Variants in WDR88 observed in about 807,000 individuals in gnomAD.
WDR88 encodes WD repeat-containing protein 88.
A neutral mutation model predicts 46.8 loss-of-function variants in WDR88; 40 were observed. The observed-to-expected ratio is 0.86, with a 90% CI of 0.66 to 1.11. The LOEUF is 1.11. WDR88 is among the 50% of genes most tolerant of loss of function. The pLI is 0.00. For missense variants in WDR88, 562 were observed against 602.4 expected (o/e 0.93, Z 0.70); for synonymous variants, 235 against 240.7 (o/e 0.98, Z 0.22).
intron 8 of WDR88, among the ~76,000 whole-genome samples, chr19:33,162,525 C>G (rs995751282): frequency 2.0e-5 from 3 of 151,932 alleles, no homozygotes; most frequent in Admixed American, 6.6e-5. Context: ...CTCTGAGCTC[C>G]TATGTACCCA....
chr19:33,153,876 A>G (rs1041089319), intron 6 of WDR88, among the ~76,000 whole-genome samples: 1 of 152,032 alleles, frequency 6.6e-6, no homozygotes, highest in African/African-American at 2.4e-5. Flanking sequence ...TGCTCTGAAG[A>G]TATTTTTGTT....
At chr19:33,172,749 T>C (rs967409591) in intron 10 of WDR88, among the ~76,000 whole-genome samples, 5 of 152,054 alleles carry the variant, frequency 3.3e-5, no homozygotes, top group Admixed American at 2.0e-4. Flanking sequence ...CTGACAGCTG[T>C]GTCGACTTGA....
intron 2 of WDR88, among the ~76,000 whole-genome samples, chr19:33,140,599 G>A (rs1279733486): frequency 6.6e-6 from 1 of 152,188 alleles, no homozygotes; most frequent in Non-Finnish European, 1.5e-5. Context: ...AGACCAGCCT[G>A]ACCAATGTGG....
chr19:33,145,288 G>C (rs1223138367), intron 3 of WDR88, among the ~76,000 whole-genome samples: 2 of 151,850 alleles, frequency 1.3e-5, no homozygotes, highest in Non-Finnish European at 2.9e-5. Flanking sequence ...TGAGTAGCTG[G>C]GATTACAAGT....
chr19:33,143,644 CAAAA>C (rs11330443), intron 2 of WDR88, among the ~76,000 whole-genome samples: 5 of 117,134 alleles, frequency 4.3e-5, no homozygotes, highest in Non-Finnish European at 7.6e-5. Flanking sequence ...GACCCTCTCT[CAAAA>C]AAAAAAAAAA....
intron 9 of WDR88, among the ~76,000 whole-genome samples, chr19:33,167,881 G>C (rs1973979794): frequency 6.6e-6 from 1 of 151,756 alleles, no homozygotes; most frequent in South Asian, 2.1e-4. Flanking sequence ...CATCTCCTGG[G>C]TTCAAGCAAT....
chr19:33,175,713 T>C lies in WDR88; in HGVS notation c.*141T>C. ...GGCAGGACCCAAGCCCTGGCTGGAC[T>C]CAGCACAGTGCCACCTCCTCAGCTC... On this transcript the variant is annotated 3_prime_UTR_variant, in exon 11 of 11. Coordinates refer to ENST00000355868, the MANE Select transcript of WDR88 (RefSeq NM_173479.4). 1.1e-6 allele frequency: 1 copy of C among 927,112 alleles called. No homozygotes were observed. The highest frequency in any genetic ancestry group is 1.6e-6 in the Non-Finnish European group (1 of 615,584). The allele number at this position is 927,112 out of a possible 1,614,324, so 57.4% of individuals were successfully genotyped here.
At chr19:33,154,593 T>A (rs541088603) in intron 6 of WDR88, among the ~76,000 whole-genome samples, 2 of 152,334 alleles carry the variant, frequency 1.3e-5, no homozygotes, top group East Asian at 3.9e-4. Flanking sequence ...ATTTTCTTTA[T>A]CCGGTCTATC....
intron 1 of WDR88, 98 bp from the exon 2 acceptor site, chr19:33,137,579 G>T: frequency 2.7e-6 from 3 of 1,094,744 alleles, no homozygotes; most frequent in East Asian, 2.5e-5. Context: ...TTTTTTTCCG[G>T]GTGGTTTATT....
In WDR88 at chr19:33,141,227, G is replaced by GTTTT. The variant is rs745987290; in HGVS notation, c.387+3450_387+3453dup. ...GCTGGGATTACAGGTGTGGGAGCAT[G>GTTTT]TTTTTTTTTTTTTCTTTTTTGACAC... On this transcript the variant is annotated intron_variant, in intron 2 of 10. Transcript: ENST00000355868. Among the ~76,000 whole-genome samples, 48 of 113,380 alleles carry GTTTT rather than the reference G, an allele frequency of 4.2e-4. 1 individual carries two copies. The highest frequency in any genetic ancestry group is 1.3e-3 in the East Asian group (5 of 3,826). 74.4% of individuals were successfully genotyped at this position (113,380 alleles called of 152,430 possible).
rs1193001700 is a variant in WDR88 at position 33,146,093 on chromosome 19, A to AGGT, written c.476+1161_476+1162insGGT. Among the ~76,000 whole-genome samples, 159 of 152,110 alleles carry AGGT rather than the reference A, an allele frequency of 1.0e-3. 1 individual carries two copies. The highest frequency in any genetic ancestry group is 1.9e-3 in the Non-Finnish European group (131 of 67,976). On this transcript the variant is annotated intron_variant, in intron 3 of 10. Transcript: ENST00000355868. ...ATCACCTGAGGTCGGGTAGCCTTGA[A>AGGT]CAAGGCTAGCCTGACCAACATGGAG...
chr19:33,156,608 C>A, intron 7 of WDR88, 66 bp downstream of exon 7: 1 of 1,514,464 alleles, frequency 6.6e-7, no homozygotes, highest in Non-Finnish European at 8.9e-7. Context: ...CTCCATGTTC[C>A]GTTCAAATGG....
Position 33,141,233 on chromosome 19 carries a change from T to TTG in WDR88, c.387+3447_387+3448insGT, listed in dbSNP as rs1555724356. 6.9e-4 allele frequency among the ~76,000 whole-genome samples: 74 copies of TTG among 107,854 alleles called. 2 individuals are homozygous for TTG. Among genetic ancestry groups the TTG allele is most frequent in the African/African-American group, 2.5e-3 (73 of 28,788 alleles). 70.8% of individuals were successfully genotyped at this position (107,854 alleles called of 152,430 possible). On this transcript the variant is annotated intron_variant, in intron 2 of 10. Transcript: ENST00000355868. Reference sequence around the variant, plus strand: ...ATTACAGGTGTGGGAGCATGTTTTTTTTTTTTTCTTTTTTGACACAGGATC... The same window carrying TTG: ...ATTACAGGTGTGGGAGCATGTTTTTTTGTTTTTTTCTTTTTTGACACAGGATC...
chr19:33,149,229 G>A (rs900105072), intron 5 of WDR88, among the ~76,000 whole-genome samples: 2 of 152,066 alleles, frequency 1.3e-5, no homozygotes, highest in Non-Finnish European at 2.9e-5. Context: ...AGGCTGAAAC[G>A]GGAGAATCAC....
At chr19:33,163,992 TG>T (rs1973913302) in intron 8 of WDR88, among the ~76,000 whole-genome samples, 1 of 150,994 alleles carries the variant, frequency 6.6e-6, no homozygotes, top group Non-Finnish European at 1.5e-5. Context: ...TTTTTAGATA[TG>T]GGACCTCACT....
chr19:33,171,182 C>T (rs576494915), intron 9 of WDR88, among the ~76,000 whole-genome samples: 4 of 152,194 alleles, frequency 2.6e-5, no homozygotes, highest in South Asian at 2.1e-4. Context: ...GACAGAGTTT[C>T]GCCATGTTGG....
chr19:33,140,033 C>T (rs908609757), intron 2 of WDR88, among the ~76,000 whole-genome samples: 8 of 152,296 alleles, frequency 5.3e-5, no homozygotes, highest in Admixed American at 6.5e-5. Flanking sequence ...TCCCGCCCTC[C>T]GTAGCTGTCC....
chr19:33,152,885 T>G (rs752427085), intron 6 of WDR88, among the ~76,000 whole-genome samples: 14 of 152,026 alleles, frequency 9.2e-5, no homozygotes, highest in Non-Finnish European at 1.6e-4. Flanking sequence ...AGAACTTCAT[T>G]CCTTTTGATG....
intron 2 of WDR88, among the ~76,000 whole-genome samples, chr19:33,143,337 CAAAA>C (rs59380405): frequency 0.021 from 1,016 of 49,278 alleles, 8 homozygotes; most frequent in Non-Finnish European, 0.027. Flanking sequence ...GATCCAGTGT[CAAAA>C]AAAAAAAAAA....
Sources: allele counts gnomAD v4.1 joint callset (sites outside exome capture counted in the v4.1 genomes callset), GRCh38; gene constraint gnomAD v4.1.1; transcripts MANE v1.5; gene names NCBI Gene and HGNC (gene_info 2026-07-23, HGNC 2026-07-21).